Variants in COL6A5 observed in about 807,000 individuals in gnomAD.
The protein encoded by COL6A5 is collagen type VI alpha 5 chain.
In COL6A5, 48 loss-of-function variants were observed where a neutral mutation model predicts 65.6. The observed-to-expected ratio is 0.73, with a 90% CI of 0.58 to 0.93. The LOEUF (loss-of-function observed/expected upper bound fraction) is 0.93. COL6A5 is among the 40% of genes least tolerant of loss of function. The probability of loss-of-function intolerance (pLI) is 0.00; values close to 1 mark genes in which losing one functional copy is unlikely to be tolerated. For synonymous variants in COL6A5, 291 were observed against 322.8 expected, an observed-to-expected ratio of 0.90 and a Z score of 1.05; for missense variants, 914 against 928.3, an observed-to-expected ratio of 0.98 and a Z score of 0.20.
intron 20 of COL6A5, among the ~76,000 whole-genome samples, chr3:130,411,979 A>G (rs1937190555): frequency 1.3e-5 from 2 of 152,164 alleles, no homozygotes; most frequent in Non-Finnish European, 2.9e-5. Flanking sequence ...GGGTGGGAGC[A>G]TCTTAAGTGG....
intron 4 of COL6A5, among the ~76,000 whole-genome samples, chr3:130,451,745 A>G (rs756428892): frequency 7.9e-5 from 12 of 152,098 alleles, no homozygotes; most frequent in Non-Finnish European, 1.8e-4. Context: ...CTACATTGTC[A>G]GGTAGGGGAG....
Position 130,481,445 on chromosome 3 carries a change from C to G in COL6A5, c.2329-2590C>G, listed in dbSNP as rs536631010. ...CACATTTTCTTTATCCAATCTATCA[C>G]TGATGGGCATTTGGGTTGCTTCCAA... On this transcript the variant is annotated intron_variant, in intron 7 of 7. Transcript: ENST00000512836. Among the ~76,000 whole-genome samples the G allele has an allele frequency of 2.3e-4, 35 of 152,178 alleles. No individual in the cohort carries two copies. In the South Asian group the frequency reaches 4.8e-3, roughly 21 times the overall value.
chr3:130,372,278 A>G (rs1008472894), intron 1 of COL6A5, among the ~76,000 whole-genome samples: 8 of 152,160 alleles, frequency 5.3e-5, no homozygotes, highest in Non-Finnish European at 1.2e-4. Flanking sequence ...TGTTAAACAT[A>G]GAGTTATGAT....
intron 13 of COL6A5, among the ~76,000 whole-genome samples, 191 bp from the exon 14 acceptor site, chr3:130,405,397 A>G (rs537399565): frequency 1.1e-3 from 175 of 152,290 alleles, no homozygotes; most frequent in Non-Finnish European, 2.1e-3. Flanking sequence ...GACAGGAAAC[A>G]TGTTTGAATA....
At position 130,477,140 on chromosome 3, in the gene COL6A5, G is replaced by A. The variant is rs77746940; in HGVS notation, c.2328+6173G>A. On this transcript the variant is annotated intron_variant, in intron 7 of 7. Coordinates refer to ENST00000512836, the Ensembl canonical transcript of COL6A5. Reference sequence around the variant, plus strand: ...GATTCATACTCTATGTTTATAGAACGTAAGTTTACCTTAAAGTTAGGCCAT... The same window carrying A: ...GATTCATACTCTATGTTTATAGAACATAAGTTTACCTTAAAGTTAGGCCAT... 0.014 allele frequency: 18,527 copies of A among 1,299,650 alleles called. 171 individuals carry two copies. Among genetic ancestry groups the A allele is most frequent in the Non-Finnish European group, 0.017 (15,925 of 936,846 alleles). 80.5% of individuals were successfully genotyped at this position (1,299,650 alleles called of 1,614,324 possible).
chr3:130,422,352 C>T (rs1438405734), intron 27 of COL6A5, among the ~76,000 whole-genome samples: 3 of 144,940 alleles, frequency 2.1e-5, no homozygotes, highest in African/African-American at 5.0e-5. Context: ...ATTTTCACCT[C>T]AACTTTTTTC....
At chr3:130,397,050 G>T (rs1223917998) in intron 8 of COL6A5, among the ~76,000 whole-genome samples, 1 of 151,974 alleles carries the variant, frequency 6.6e-6, no homozygotes. Context: ...GTATTTTTTA[G>T]TAGAGATGGG....
exon 15 of COL6A5, chr3:130,405,994 G>A (rs1205428501): frequency 3.9e-6 from 6 of 1,551,306 alleles, no homozygotes; most frequent in Non-Finnish European, 5.2e-6. Flanking sequence ...CTTTTGCAGG[G>A]ACTCAAAGGA....
chr3:130,388,448 T>G (rs985576063), intron 5 of COL6A5, 132 bp from the exon 6 acceptor site: 1 of 762,962 alleles, frequency 1.3e-6, no homozygotes, highest in South Asian at 2.4e-5. Context: ...AATACAATTT[T>G]CAAACATAAC....
chr3:130,392,525 C>A (rs1264368695), intron 7 of COL6A5, among the ~76,000 whole-genome samples: 4 of 152,102 alleles, frequency 2.6e-5, no homozygotes, highest in Admixed American at 6.5e-5. Flanking sequence ...TTGTTATTGG[C>A]CCAGTCCTCC....
chr3:130,421,451 C>A, intron 27 of COL6A5, 91 bp downstream of exon 27: 1 of 1,221,856 alleles, frequency 8.2e-7, no homozygotes, highest in Non-Finnish European at 1.2e-6. Flanking sequence ...GAAATGGGGA[C>A]AATAAGGAGA....
exon 3 of COL6A5, chr3:130,376,720 A>T: frequency 6.2e-7 from 1 of 1,613,672 alleles, no homozygotes; most frequent in Non-Finnish European, 8.5e-7. Flanking sequence ...GCCACATCCC[A>T]TTTCCATTTC....
Position 130,455,631 on chromosome 3 carries a change from A to T in COL6A5, c.1511A>T (p.Asp504Val), listed in dbSNP as rs1577528284. ...AAATTAATGATCAATTATGAAAAAG[A>T]TCAAAAATCTGCAGAAATTGCAAGT... The change falls in exon 5 of 8, where the codon GAT becomes GTT. Residue 504 changes from aspartate to valine, a missense_variant. Physicochemically the swap from Asp to Val is radical, Grantham distance 152 (BLOSUM62 -3). Transcript: ENST00000512836. The T allele has an allele frequency of 1.2e-5, 20 of 1,613,174 alleles. No individual in the cohort carries two copies. The East Asian group carries it at 4.2e-4, about 34-fold the overall frequency.
At chr3:130,455,790 G>A in intron 5 of COL6A5, 124 bp downstream of exon 37, 1 of 695,938 alleles carries the variant, frequency 1.4e-6, no homozygotes, top group Non-Finnish European at 2.4e-6. Context: ...AGTTCATTAT[G>A]GTAGATACAA....
chr3:130,435,364 CA>C (rs559126734), intron 1 of COL6A5, among the ~76,000 whole-genome samples: 121 of 152,250 alleles, frequency 7.9e-4, no homozygotes, highest in Middle Eastern at 6.8e-3. Flanking sequence ...AGTTTGAAGT[CA>C]GGTATCATGA....
exon 6 of COL6A5, chr3:130,388,883 A>G (rs752955944): frequency 8.7e-5 from 135 of 1,550,084 alleles, no homozygotes; most frequent in Non-Finnish European, 9.9e-5. Context: ...ACCCACTCCA[A>G]GGGGGCCCGT....
chr3:130,382,851 T>C (rs1430399743), intron 4 of COL6A5, among the ~76,000 whole-genome samples: 1 of 152,088 alleles, frequency 6.6e-6, no homozygotes, highest in East Asian at 1.9e-4. Flanking sequence ...AGAATGACAA[T>C]TATCTATGTA....
chr3:130,388,981 G>A, exon 6 of COL6A5: 1 of 1,548,814 alleles, frequency 6.5e-7, no homozygotes, highest in Non-Finnish European at 8.7e-7. Context: ...TCGGGGCAAA[G>A]ATGTGACCAT....
At chr3:130,448,999 C>T (rs910490980) in intron 4 of COL6A5, among the ~76,000 whole-genome samples, 8 of 152,180 alleles carry the variant, frequency 5.3e-5, no homozygotes, top group Non-Finnish European at 1.0e-4. Context: ...GCCCTTAAAT[C>T]GGTTACCATC....
Sources: allele counts gnomAD v4.1 joint callset (sites outside exome capture counted in the v4.1 genomes callset), GRCh38; gene constraint gnomAD v4.1.1; transcripts MANE v1.5; gene names NCBI Gene and HGNC (gene_info 2026-07-23, HGNC 2026-07-21).